Variants in DTX4 observed in about 807,000 individuals in gnomAD.
The protein encoded by DTX4 is E3 ubiquitin-protein ligase DTX4.
A neutral mutation model predicts 57.6 loss-of-function variants in DTX4; 28 were observed. That is an observed-to-expected ratio of 0.49 (90% CI 0.36 to 0.67). The LOEUF is 0.67. DTX4 is among the 30% of genes least tolerant of loss of function. The pLI is 0.00. For synonymous variants in DTX4, 316 were observed against 331.0 expected, an observed-to-expected ratio of 0.95 and a Z score of 0.49; for missense variants, 715 against 836.8, an observed-to-expected ratio of 0.85 and a Z score of 1.80.
intron 2 of DTX4, among the ~76,000 whole-genome samples, chr11:59,184,445 C>T (rs1862503529): frequency 6.6e-6 from 1 of 152,232 alleles, no homozygotes; most frequent in African/African-American, 2.4e-5. Context: ...TAGCACAGTG[C>T]TTGACACATA....
Position 59,186,689 on chromosome 11 carries a change from C to A in DTX4, c.936-2046C>A, listed in dbSNP as rs141606871. On this transcript the variant is annotated intron_variant, in intron 2 of 8. Coordinates refer to ENST00000227451, the MANE Select transcript of DTX4 (RefSeq NM_015177.2). ...AATTGAGGCTCAGAAAAGTTAACTA[C>A]CTTAGCGAGAAACTCCTGGCAGGGA... Among the ~76,000 whole-genome samples the A allele has an allele frequency of 1.2e-3, 189 of 152,284 alleles. 1 individual carries two copies. The highest frequency in any genetic ancestry group is 4.3e-3 in the African/African-American group (178 of 41,548).
intron 1 of DTX4, 125 bp downstream of exon 1, chr11:59,172,931 A>AGGT: frequency 1.5e-6 from 1 of 653,964 alleles, no homozygotes; most frequent in South Asian, 2.1e-5. Context: ...TGTCACCAAG[A>AGGT]GGTGGTGGTG....
intron 1 of DTX4, among the ~76,000 whole-genome samples, chr11:59,174,715 G>A (rs906932727): frequency 6.6e-6 from 1 of 152,110 alleles, no homozygotes; most frequent in Non-Finnish European, 1.5e-5. Context: ...AAAACTGGGT[G>A]GAAGGAAAGA....
upstream of DTX4, among the ~76,000 whole-genome samples, chr11:59,171,831 GA>G (rs905892099): frequency 4.0e-5 from 6 of 150,054 alleles, no homozygotes; most frequent in African/African-American, 9.8e-5. Flanking sequence ...CTGCATTAAG[GA>G]AAAAAAAAGA....
chr11:59,198,437 A>T (rs1249497024), intron 7 of DTX4, among the ~76,000 whole-genome samples: 2 of 152,182 alleles, frequency 1.3e-5, no homozygotes, highest in African/African-American at 4.8e-5. Context: ...TGCATCTCCG[A>T]GAAGGCGTTG....
intron 2 of DTX4, among the ~76,000 whole-genome samples, chr11:59,186,305 G>A (rs927194632): frequency 2.0e-5 from 3 of 152,160 alleles, no homozygotes; most frequent in Non-Finnish European, 2.9e-5. Flanking sequence ...ATTATTTCCT[G>A]GTTGGCCAGA....
Position 59,204,792 on chromosome 11 carries a change from G to C in DTX4, c.1743G>C (p.Glu581Asp). The change falls in exon 9 of 9, where the codon GAG (glutamate) becomes GAC (aspartate). Residue 581 changes from glutamate to aspartate, a missense_variant. Physicochemically the swap from Glu to Asp is conservative, Grantham distance 45. Transcript: ENST00000227451. ...VIWNEVHHKT[E>D]FGSNLTGHGY... ...GGAATGAGGTCCACCACAAGACAGAGTTTGGCTCTAATCTCACTGGCCATG... is the reference window on the plus strand; with the variant it reads ...GGAATGAGGTCCACCACAAGACAGACTTTGGCTCTAATCTCACTGGCCATG... 8.1e-6 allele frequency: 13 copies of C among 1,613,348 alleles called. No homozygotes were observed. Among genetic ancestry groups the C allele is most frequent in the Non-Finnish European group, 1.1e-5 (13 of 1,179,596 alleles).
rs1396520737 is a variant in DTX4 at position 59,191,136 on chromosome 11, A to G, written c.1182A>G (p.Leu394=). ...CAGGTAAAACCCCAGAGGAAGTGCT[A>G]AAAAAATATCTACAGAAAGTCCGGC... The part of the protein sequence containing the change: ...AKKGKTPEEV[L]KKYLQKVRHP... Residue 394 remains leucine, a synonymous_variant, in exon 5 of 9, where the codon CTA becomes CTG. Transcript: ENST00000227451. 6 of 1,573,100 alleles carry G rather than the reference A, an allele frequency of 3.8e-6. No individual in the cohort carries two copies. Among genetic ancestry groups the G allele is most frequent in the Non-Finnish European group, 5.2e-6 (6 of 1,159,138 alleles).
chr11:59,189,330 G>A lies in DTX4; in HGVS notation c.1159+7G>A. The A allele has an allele frequency of 1.3e-6, 2 of 1,535,128 alleles. No individual in the cohort carries two copies. The highest frequency in any genetic ancestry group is 1.8e-6 in the Non-Finnish European group (2 of 1,136,716). On this transcript the variant is annotated splice_region_variant and intron_variant, in intron 4 of 8. Transcript: ENST00000227451. ...AAAAAACAAGCCAAGAAAGGTACCA[G>A]CCTCTTGTCTCGTGGGGTACTGAGA... is the stretch of plus-strand genomic sequence containing the variant.
rs1003878231 is a variant in DTX4 at position 59,178,322 on chromosome 11, G to A, written c.212-3417G>A. Among the ~76,000 whole-genome samples, 11 of 152,274 alleles carry A rather than the reference G, an allele frequency of 7.2e-5. 1 individual carries two copies. Among genetic ancestry groups the A allele is most frequent in the Admixed American group, 4.6e-4 (7 of 15,298 alleles). ...ATGGGAAGTCATGGAAGGGATTTACGCAGGGAAGGGACATGGTCAATTTTC... is the reference window on the plus strand; with the variant it reads ...ATGGGAAGTCATGGAAGGGATTTACACAGGGAAGGGACATGGTCAATTTTC... On this transcript the variant is annotated intron_variant, in intron 1 of 8. Transcript: ENST00000227451.
At chr11:59,191,577 T>C (rs1862599775) in intron 5 of DTX4, among the ~76,000 whole-genome samples, 1 of 152,156 alleles carries the variant, frequency 6.6e-6, no homozygotes, top group Non-Finnish European at 1.5e-5. Context: ...CAGGACCTTG[T>C]GAGTAGAGCA....
rs761109323 is a variant in DTX4, at chr11:59,181,990, C to G, written c.463C>G (p.Arg155Gly). ...GACCCAGCGCCAACGCCGCGTCCGCCGGCGCCTCGACCTCATCTACCCCAT... is the reference window on the plus strand; with the variant it reads ...GACCCAGCGCCAACGCCGCGTCCGCGGGCGCCTCGACCTCATCTACCCCAT... ...RQTQRQRRVR[R>G]RLDLIYPMVT... The change falls in exon 2 of 9, where the codon CGG (arginine) becomes GGG (glycine). Residue 155 changes from arginine to glycine, a missense_variant. Transcript: ENST00000227451. The G allele has an allele frequency of 1.9e-6, 3 of 1,613,952 alleles. No individual in the cohort carries two copies. Among genetic ancestry groups the G allele is most frequent in the Non-Finnish European group, 2.5e-6 (3 of 1,179,866 alleles).
chr11:59,201,616 C>G (rs72919150), intron 8 of DTX4, among the ~76,000 whole-genome samples: 1 of 152,196 alleles, frequency 6.6e-6, no homozygotes, highest in Non-Finnish European at 1.5e-5. Flanking sequence ...TATGGTCTCC[C>G]CCTACAGGTG....
chr11:59,172,036 C>T (rs1441984854), upstream of DTX4, among the ~76,000 whole-genome samples: 1 of 150,004 alleles, frequency 6.7e-6, no homozygotes, highest in Non-Finnish European at 1.5e-5. Flanking sequence ...TGAGCAGAGC[C>T]ACAGGCAGGG....
rs1862337694 is a variant in DTX4, at chr11:59,172,439, G to A, written c.-157G>A. Reference sequence around the variant, plus strand: ...CCCCGGTGGATGCACGGCTGGGGAGGAGCCCATGGGCCGGAGCTGAGGCTG... The same window carrying A: ...CCCCGGTGGATGCACGGCTGGGGAGAAGCCCATGGGCCGGAGCTGAGGCTG... On this transcript the variant is annotated 5_prime_UTR_variant, in exon 1 of 9. Coordinates refer to ENST00000227451, the MANE Select transcript of DTX4 (RefSeq NM_015177.2). The A allele has an allele frequency of 4.3e-6, 1 of 231,210 alleles. No individual in the cohort carries two copies. Among genetic ancestry groups the A allele is most frequent in the South Asian group, 1.5e-4 (1 of 6,794 alleles). The allele number at this position is 231,210 out of a possible 1,614,324, so 14.3% of individuals were successfully genotyped here.
chr11:59,172,838 TG>T, intron 1 of DTX4, 32 bp downstream of exon 1: 1 of 1,479,280 alleles, frequency 6.8e-7, no homozygotes, highest in Non-Finnish European at 9.1e-7. Context: ...CCGCCCCGCC[TG>T]CTCCCACCTT....
intron 7 of DTX4, among the ~76,000 whole-genome samples, chr11:59,197,444 T>A (rs1192301723): frequency 6.6e-6 from 1 of 151,658 alleles, no homozygotes; most frequent in Non-Finnish European, 1.5e-5. Context: ...ATGAAGGAGA[T>A]GGAGGGAGAA....
chr11:59,204,605 C>G (rs973023513), intron 8 of DTX4, 71 bp from the exon 9 acceptor site: 1 of 1,400,248 alleles, frequency 7.1e-7, no homozygotes, highest in Non-Finnish European at 9.8e-7. Flanking sequence ...GGAGGATTCT[C>G]TACCGTCCAA....
intron 7 of DTX4, among the ~76,000 whole-genome samples, chr11:59,199,462 A>G (rs1415139525): frequency 6.6e-6 from 1 of 152,230 alleles, no homozygotes; most frequent in Non-Finnish European, 1.5e-5. Flanking sequence ...AGAGGGTTCC[A>G]GCTAATGCAG....
Sources: allele counts gnomAD v4.1 joint callset (sites outside exome capture counted in the v4.1 genomes callset), GRCh38; gene constraint gnomAD v4.1.1; transcripts MANE v1.5; gene names NCBI Gene and HGNC (gene_info 2026-07-23, HGNC 2026-07-21).